Variants in THSD7B observed in about 807,000 individuals in gnomAD.
THSD7B encodes thrombospondin type-1 domain-containing protein 7B.
A neutral mutation model predicts 213.6 loss-of-function variants in THSD7B; 138 were observed. The observed-to-expected ratio is 0.65, with a 90% CI of 0.56 to 0.74. THSD7B has a LOEUF of 0.74. Among genes scored for constraint, THSD7B ranks in the 30% least tolerant of loss-of-function variants. The pLI is 0.00. For synonymous variants in THSD7B, 742 were observed against 687.0 expected, an observed-to-expected ratio of 1.08 and a Z score of -1.25; for missense variants, 1,931 against 1,991.5, an observed-to-expected ratio of 0.97 and a Z score of 0.58.
chr2:136,806,290 A>G (rs1252366963), intron 1 of THSD7B, among the ~76,000 whole-genome samples: 1 of 152,206 alleles, frequency 6.6e-6, no homozygotes, highest in African/African-American at 2.4e-5. Flanking sequence ...CAGCAAACAC[A>G]GGTTTGAATT....
At chr2:137,655,764 A>C in intron 22 of THSD7B, 104 bp downstream of exon 22, 1 of 1,293,040 alleles carries the variant, frequency 7.7e-7, no homozygotes, top group Non-Finnish European at 1.0e-6. Context: ...TAAAGTTTTT[A>C]AATAACTTTA....
rs1465704210 is a variant in THSD7B, at chr2:136,782,597, T to C, written c.-36+16910T>C. On this transcript the variant is annotated intron_variant, in intron 1 of 27. Transcript: ENST00000409968. ...TATGCTCTAGAAGTAGAGAGTAGAA[T>C]GGTGGTTACCTGAGGCTGGGGTGGT... Among the ~76,000 whole-genome samples the C allele has an allele frequency of 2.0e-5, 3 of 152,222 alleles. No homozygotes were observed. In the East Asian group the frequency reaches 5.8e-4, roughly 29 times the overall value.
At chr2:137,348,166 A>G (rs1207613239) in intron 12 of THSD7B, among the ~76,000 whole-genome samples, 1 of 151,760 alleles carries the variant, frequency 6.6e-6, no homozygotes, top group Admixed American at 6.6e-5. Flanking sequence ...GCAAAATTTT[A>G]TGAATATCCA....
intron 15 of THSD7B, among the ~76,000 whole-genome samples, chr2:137,474,682 A>C (rs570505525): frequency 6.6e-6 from 1 of 152,296 alleles, no homozygotes; most frequent in Admixed American, 6.5e-5. Flanking sequence ...GCACAGTTAC[A>C]AGGGCCTAGG....
At chr2:137,057,579 A>G (rs1325174372) in intron 3 of THSD7B, among the ~76,000 whole-genome samples, 1 of 152,216 alleles carries the variant, frequency 6.6e-6, no homozygotes, top group Admixed American at 6.5e-5. Flanking sequence ...TAAAAATTCA[A>G]GTTCAATTTC....
At chr2:137,281,908 G>T (rs1050963216) in intron 12 of THSD7B, among the ~76,000 whole-genome samples, 6 of 152,012 alleles carry the variant, frequency 3.9e-5, no homozygotes, top group Non-Finnish European at 7.4e-5. Flanking sequence ...TAGTCCTTTG[G>T]GTATATACCC....
At chr2:137,323,347 T>G (rs957640910) in intron 12 of THSD7B, among the ~76,000 whole-genome samples, 3 of 152,138 alleles carry the variant, frequency 2.0e-5, no homozygotes, top group Non-Finnish European at 2.9e-5. Flanking sequence ...TGGCTCCCAG[T>G]TCCTGTCCCC....
At chr2:137,557,012 C>A (rs1257222914) in intron 15 of THSD7B, among the ~76,000 whole-genome samples, 1 of 152,124 alleles carries the variant, frequency 6.6e-6, no homozygotes, top group African/African-American at 2.4e-5. Context: ...TATATATGCA[C>A]CCAATACAGG....
At chr2:137,604,309 T>C (rs1682131892) in intron 17 of THSD7B, among the ~76,000 whole-genome samples, 1 of 152,178 alleles carries the variant, frequency 6.6e-6, no homozygotes, top group Non-Finnish European at 1.5e-5. Context: ...CTTTGAGCTA[T>C]GTGATATATG....
chr2:136,970,316 T>C (rs1325309515), intron 2 of THSD7B, among the ~76,000 whole-genome samples: 1 of 151,828 alleles, frequency 6.6e-6, no homozygotes, highest in African/African-American at 2.4e-5. Context: ...ATACAAAAAT[T>C]AGCCAGGCCT....
At chr2:136,813,973 G>A (rs1279001172) in intron 1 of THSD7B, among the ~76,000 whole-genome samples, 2 of 152,112 alleles carry the variant, frequency 1.3e-5, no homozygotes, top group Non-Finnish European at 2.9e-5. Flanking sequence ...GCTTCCTGGT[G>A]GCTATGCAGG....
At chr2:136,922,869 C>T (rs1684457733) in intron 2 of THSD7B, among the ~76,000 whole-genome samples, 1 of 152,170 alleles carries the variant, frequency 6.6e-6, no homozygotes, top group Non-Finnish European at 1.5e-5. Flanking sequence ...TCTTGACCCC[C>T]AAGTGCCATT....
At chr2:137,399,422 A>G (rs1240601587) in intron 12 of THSD7B, among the ~76,000 whole-genome samples, 1 of 151,928 alleles carries the variant, frequency 6.6e-6, no homozygotes, top group African/African-American at 2.4e-5. Context: ...CGAACTCCTG[A>G]CCTTGAATGA....
At chr2:137,662,819 C>T (rs957214577) in intron 25 of THSD7B, among the ~76,000 whole-genome samples, 2 of 151,978 alleles carry the variant, frequency 1.3e-5, no homozygotes, top group Non-Finnish European at 2.9e-5. Context: ...CTTTGGGAAG[C>T]CGAGGTGGGA....
At chr2:137,430,352 C>G (rs1460558237) in intron 14 of THSD7B, among the ~76,000 whole-genome samples, 1 of 152,186 alleles carries the variant, frequency 6.6e-6, no homozygotes, top group Non-Finnish European at 1.5e-5. Context: ...GAAAGAGACA[C>G]AACATTTCAC....
intron 5 of THSD7B, among the ~76,000 whole-genome samples, chr2:137,127,582 G>C (rs1688653399): frequency 6.6e-6 from 1 of 152,098 alleles, no homozygotes; most frequent in South Asian, 2.1e-4. Context: ...GCTTCAATTT[G>C]TTACTTTTAA....
intron 1 of THSD7B, among the ~76,000 whole-genome samples, chr2:136,815,753 G>A (rs991377125): frequency 6.6e-6 from 1 of 152,174 alleles, no homozygotes; most frequent in African/African-American, 2.4e-5. Context: ...AGTTGAGTTG[G>A]AAGATCCAGG....
intron 14 of THSD7B, among the ~76,000 whole-genome samples, chr2:137,441,205 C>G (rs556442291): frequency 6.6e-6 from 1 of 152,194 alleles, no homozygotes; most frequent in East Asian, 1.9e-4. Context: ...TCAGAATTTT[C>G]AAATTGTCTC....
At chr2:137,124,455 A>G (rs1324811364) in intron 5 of THSD7B, among the ~76,000 whole-genome samples, 2 of 152,176 alleles carry the variant, frequency 1.3e-5, no homozygotes, top group African/African-American at 4.8e-5. Context: ...TAAGCTTTAC[A>G]TCAGGTTCTC....
Sources: gnomAD v4.1 joint callset for allele counts (sites outside exome capture counted in the v4.1 genomes callset) on GRCh38, gnomAD v4.1.1 for gene constraint, MANE v1.5 for transcripts, NCBI Gene and HGNC (gene_info 2026-07-23, HGNC 2026-07-21) for gene names.